Variants in TCERG1L observed in about 807,000 individuals in gnomAD.
TCERG1L encodes transcription elongation regulator 1-like protein.
In TCERG1L, 37 loss-of-function variants were observed where a neutral mutation model predicts 56.3. The observed-to-expected ratio is 0.66, with a 90% CI of 0.51 to 0.87. The LOEUF is 0.87. Among genes scored for constraint, TCERG1L ranks in the 40% least tolerant of loss-of-function variants. TCERG1L has a pLI of 0.00. For synonymous variants in TCERG1L, 324 were observed against 326.3 expected (o/e 0.99, Z 0.08); for missense variants, 799 against 774.2 (o/e 1.03, Z -0.38).
At chr10:131,217,646 T>C (rs1242382229) in intron 4 of TCERG1L, among the ~76,000 whole-genome samples, 4 of 147,522 alleles carry the variant, frequency 2.7e-5, no homozygotes, top group Non-Finnish European at 5.9e-5. Context: ...CAGGGAACAA[T>C]GGGAAGCTCC....
chr10:131,221,969 G>C lies in TCERG1L; in HGVS notation c.856+38290C>G, dbSNP rs537387122. 9.2e-5 allele frequency among the ~76,000 whole-genome samples: 14 copies of C among 152,328 alleles called. No homozygotes were observed. The South Asian group carries it at 2.9e-3, about 32-fold the overall frequency. Reference sequence around the variant, plus strand: ...AGTCATGAGGCTCTCATTTTCGCTTGTTTACTGCGGTTTGCAGAACTCTAA... The same window carrying C: ...AGTCATGAGGCTCTCATTTTCGCTTCTTTACTGCGGTTTGCAGAACTCTAA... On this transcript the variant is annotated intron_variant, in intron 4 of 11. Coordinates refer to ENST00000368642, the MANE Select transcript of TCERG1L (RefSeq NM_174937.4).
chr10:131,185,510 G>A (rs1461911764), intron 4 of TCERG1L, among the ~76,000 whole-genome samples: 1 of 152,104 alleles, frequency 6.6e-6, no homozygotes, highest in Non-Finnish European at 1.5e-5. Context: ...CTGGTATCCA[G>A]AATATGCAAA....
At position 131,260,087 on chromosome 10, in the gene TCERG1L, G is replaced by A. The variant is rs1477654900; in HGVS notation, c.856+172C>T. Among the ~76,000 whole-genome samples, 1 of 152,256 alleles carries A rather than the reference G, an allele frequency of 6.6e-6. No individual in the cohort carries two copies. The highest frequency in any genetic ancestry group is 1.5e-5 in the Non-Finnish European group (1 of 68,054). On this transcript the variant is annotated intron_variant, in intron 4 of 11. Transcript: ENST00000368642. The surrounding 1 kb of genome is among the most constrained non-coding windows in gnomAD (Gnocchi z 5.8). ...TGGCTCAGTGGAGTCGGGTCGATTT[G>A]CAGGGTCCGAAGTCAAGCAAAGCCC...
chr10:131,238,285 TC>T (rs1845935621), intron 4 of TCERG1L, among the ~76,000 whole-genome samples: 1 of 152,160 alleles, frequency 6.6e-6, no homozygotes, highest in South Asian at 2.1e-4. Flanking sequence ...TGATGGTCGT[TC>T]CCCTGGGGAT....
At chr10:131,189,316 A>G (rs889780066) in intron 4 of TCERG1L, among the ~76,000 whole-genome samples, 2 of 152,092 alleles carry the variant, frequency 1.3e-5, no homozygotes, top group African/African-American at 4.8e-5. Flanking sequence ...ATAACTTCCA[A>G]TTATCCATCC....
chr10:131,098,302 A>C lies in TCERG1L; in HGVS notation c.1604+4T>G, dbSNP rs1845269850. On this transcript the variant is annotated splice_donor_region_variant and intron_variant, in intron 11 of 11. Coordinates refer to ENST00000368642, the MANE Select transcript of TCERG1L (RefSeq NM_174937.4). ...AATCATCCGGTATATTTCTCTCTCCATACCTGGGAGACACTTTAGATTCCT... is the reference window on the plus strand; with the variant it reads ...AATCATCCGGTATATTTCTCTCTCCCTACCTGGGAGACACTTTAGATTCCT... The C allele has an allele frequency of 1.9e-6, 3 of 1,550,648 alleles. No individual in the cohort carries two copies. The East Asian group carries it at 7.3e-5, about 38-fold the overall frequency.
At chr10:131,212,068 T>C (rs1845625982) in intron 4 of TCERG1L, among the ~76,000 whole-genome samples, 2 of 152,276 alleles carry the variant, frequency 1.3e-5, no homozygotes, top group South Asian at 4.2e-4. Flanking sequence ...GGGGCCACAT[T>C]ATCCTCATCT....
chr10:131,147,756 G>A (rs978950207), intron 6 of TCERG1L, among the ~76,000 whole-genome samples: 3 of 152,348 alleles, frequency 2.0e-5, no homozygotes, highest in Middle Eastern at 3.4e-3. Flanking sequence ...TGACTTCCCC[G>A]AGGGAGGCCC....
intron 4 of TCERG1L, among the ~76,000 whole-genome samples, chr10:131,202,295 T>C (rs559685346): frequency 6.6e-6 from 1 of 152,280 alleles, no homozygotes; most frequent in East Asian, 1.9e-4. Context: ...AGGCCGGAAC[T>C]TTTTCGCCGG....
intron 3 of TCERG1L, among the ~76,000 whole-genome samples, chr10:131,301,815 A>G (rs930887695): frequency 6.6e-6 from 1 of 152,154 alleles, no homozygotes; most frequent in African/African-American, 2.4e-5. Flanking sequence ...AAGAAAATAA[A>G]AAAGCAGAAT....
intron 7 of TCERG1L, among the ~76,000 whole-genome samples, chr10:131,144,420 T>C (rs531406552): frequency 6.6e-6 from 1 of 152,290 alleles, no homozygotes; most frequent in East Asian, 1.9e-4. Context: ...TGCTCCCCGA[T>C]CACGAATTAA....
At chr10:131,291,286 G>T (rs2133573375) in intron 3 of TCERG1L, among the ~76,000 whole-genome samples, 1 of 148,918 alleles carries the variant, frequency 6.7e-6, no homozygotes, top group Non-Finnish European at 1.5e-5. Context: ...GTAAACTTTA[G>T]AATAATTTTA....
intron 8 of TCERG1L, among the ~76,000 whole-genome samples, chr10:131,117,920 C>G (rs1845475386): frequency 6.6e-6 from 1 of 152,232 alleles, no homozygotes; most frequent in Admixed American, 6.5e-5. Context: ...CGCCGTTCTT[C>G]TTGTGTCTGG....
At chr10:131,114,980 AGC>A (rs1758194041) in intron 9 of TCERG1L, among the ~76,000 whole-genome samples, 1 of 152,244 alleles carries the variant, frequency 6.6e-6, no homozygotes, top group Admixed American at 6.5e-5. Flanking sequence ...CGAGGGACAC[AGC>A]AGTAAGGACC....
At chr10:131,153,487 C>A (rs1036737578) in intron 6 of TCERG1L, among the ~76,000 whole-genome samples, 1 of 152,180 alleles carries the variant, frequency 6.6e-6, no homozygotes, top group Admixed American at 6.5e-5. Flanking sequence ...GCGGCCCTAT[C>A]CACTGGGTCT....
chr10:131,164,998 G>C (rs1846016863), intron 5 of TCERG1L, among the ~76,000 whole-genome samples: 1 of 152,216 alleles, frequency 6.6e-6, no homozygotes, highest in Admixed American at 6.5e-5. Flanking sequence ...CTTTCAAACA[G>C]GGTGCTTAGG....
intron 4 of TCERG1L, among the ~76,000 whole-genome samples, chr10:131,176,783 C>T (rs1180723400): frequency 1.2e-3 from 2 of 1,660 alleles, no homozygotes; most frequent in Admixed American, 0.021. Context: ...CACATGGACA[C>T]ACAGAGATAC....
At chr10:131,193,042 T>G (rs1024003203) in intron 4 of TCERG1L, among the ~76,000 whole-genome samples, 1 of 151,816 alleles carries the variant, frequency 6.6e-6, no homozygotes, top group Non-Finnish European at 1.5e-5. Flanking sequence ...AAATAAATAA[T>G]AGTTATTTTG....
intron 3 of TCERG1L, among the ~76,000 whole-genome samples, chr10:131,281,480 C>T (rs1353233116): frequency 6.6e-6 from 1 of 152,088 alleles, no homozygotes; most frequent in East Asian, 1.9e-4. Context: ...GAGTGAGCAC[C>T]ACCTTGTCCA....
Sources: gnomAD v4.1 joint callset for allele counts (sites outside exome capture counted in the v4.1 genomes callset) on GRCh38, gnomAD v4.1.1 for gene constraint, Gnocchi (gnomAD v3.1) non-coding constraint, MANE v1.5 for transcripts, NCBI Gene and HGNC (gene_info 2026-07-23, HGNC 2026-07-21) for gene names.